The following MAP3K1 variants were observed in gnomAD, a reference collection of about 807,000 sequenced individuals.
The protein encoded by MAP3K1 is mitogen-activated protein kinase kinase kinase 1, also known as MAP/ERK kinase kinase 1.
In MAP3K1, 36 loss-of-function variants were observed where a neutral mutation model predicts 144.2. The observed-to-expected ratio is 0.25, with a 90% CI of 0.19 to 0.33. The LOEUF is 0.33. Among genes scored for constraint, MAP3K1 ranks in the 10% least tolerant of loss-of-function variants. The pLI, the probability that MAP3K1 is intolerant of heterozygous loss-of-function variation, is 1.00. For synonymous variants in MAP3K1, 718 were observed against 688.7 expected, an observed-to-expected ratio of 1.04 and a Z score of -0.67; for missense variants, 1,650 against 1,881.9, an observed-to-expected ratio of 0.88 and a Z score of 2.28.
chr5:56,872,581 AAAT>A, intron 7 of MAP3K1, 57 bp from the exon 8 acceptor site: 1 of 955,188 alleles, frequency 1.0e-6, no homozygotes, highest in Non-Finnish European at 1.7e-6. Context: ...AACAGTTATG[AAAT>A]AAAAATAATG....
intron 6 of MAP3K1, among the ~76,000 whole-genome samples, chr5:56,871,133 A>G (rs1362933040): frequency 6.6e-6 from 1 of 152,050 alleles, no homozygotes; most frequent in Non-Finnish European, 1.5e-5. Flanking sequence ...ATAATTAACC[A>G]TTATGTTGCG....
chr5:56,837,698 A>G lies in MAP3K1; in HGVS notation c.483-18902A>G, dbSNP rs571762329. 1.2e-3 allele frequency among the ~76,000 whole-genome samples: 176 copies of G among 152,374 alleles called. 1 individual carries two copies. Among genetic ancestry groups the G allele is most frequent in the Admixed American group, 2.0e-3 (30 of 15,304 alleles). ...AGATTAATCCATTATTTTATTAAGT[A>G]CATATTTATTGACTACCACCCTTGT... is the stretch of plus-strand genomic sequence containing the variant. On this transcript the variant is annotated intron_variant, in intron 1 of 19. Transcript: ENST00000399503.
At chr5:56,835,349 TTGACAGGAAGG>T (rs1746617016) in intron 1 of MAP3K1, among the ~76,000 whole-genome samples, 1 of 32,646 alleles carries the variant, frequency 3.1e-5, no homozygotes, top group Non-Finnish European at 7.5e-5. Flanking sequence ...CAGGGAAGAG[TTGACAGGAAGG>T]CAGGGAAGAG....
chr5:56,816,746 G>A (rs928193882), intron 1 of MAP3K1, among the ~76,000 whole-genome samples: 7 of 152,240 alleles, frequency 4.6e-5, no homozygotes, highest in Admixed American at 2.6e-4. Flanking sequence ...ACTCGCGGAG[G>A]CTTGCAGTCT....
At chr5:56,880,890 G>A in intron 12 of MAP3K1, 88 bp downstream of exon 12, 1 of 1,172,646 alleles carries the variant, frequency 8.5e-7, no homozygotes, top group Non-Finnish European at 1.3e-6. Flanking sequence ...TCATGAGGCA[G>A]TTTACAGGAT....
At chr5:56,882,892 A>G (rs763013500) in intron 14 of MAP3K1, 26 bp downstream of exon 14, 1 of 1,574,234 alleles carries the variant, frequency 6.4e-7, no homozygotes, top group South Asian at 1.1e-5. Flanking sequence ...TTAAGAGGTT[A>G]GAAAACTTCC....
rs181920194 is a variant in MAP3K1 at position 56,855,853 on chromosome 5, A to G, written c.483-747A>G. 3.2e-4 allele frequency among the ~76,000 whole-genome samples: 49 copies of G among 152,334 alleles called. No homozygotes were observed. The South Asian group carries it at 7.7e-3, about 24-fold the overall frequency. Reference sequence around the variant, plus strand: ...CCTTATAAATCAGGTTTTCAAATCTATGCATATCGTGTATGCATGTATGCT... The same window carrying G: ...CCTTATAAATCAGGTTTTCAAATCTGTGCATATCGTGTATGCATGTATGCT... On this transcript the variant is annotated intron_variant, in intron 1 of 19. Transcript: ENST00000399503.
At chr5:56,826,167 C>T (rs150757554) in intron 1 of MAP3K1, among the ~76,000 whole-genome samples, 59 of 152,150 alleles carry the variant, frequency 3.9e-4, no homozygotes, top group Middle Eastern at 3.4e-3. Flanking sequence ...ATACTCTTTC[C>T]AGCTCCGTGG....
intron 12 of MAP3K1, 60 bp from the exon 13 acceptor site, chr5:56,881,018 ATGTCT>A: frequency 1.5e-6 from 2 of 1,360,424 alleles, no homozygotes; most frequent in Non-Finnish European, 2.1e-6. Context: ...CCATTTAATC[ATGTCT>A]TGTTTTAGAT....
At chr5:56,819,575 T>C (rs188206664) in intron 1 of MAP3K1, among the ~76,000 whole-genome samples, 3 of 152,224 alleles carry the variant, frequency 2.0e-5, no homozygotes, top group South Asian at 2.1e-4. Flanking sequence ...AGGAAAAATA[T>C]GGGGCATTCA....
At chr5:56,885,200 A>G (rs1308082500) in intron 16 of MAP3K1, among the ~76,000 whole-genome samples, 2 of 152,230 alleles carry the variant, frequency 1.3e-5, no homozygotes, top group Admixed American at 6.5e-5. Context: ...AAAACTTACT[A>G]CAAGTAAACT....
Position 56,815,682 on chromosome 5 carries a change from C to T in MAP3K1, c.109C>T (p.Pro37Ser). The stretch of plus-strand genomic sequence containing the variant: ...AGGAGCCCTCAAGGCGAGCAGCGCG[C>T]CCGCGGCTGCCGCGGGACTGCTGCG... ...GGGALKASSA[P>S]AAAAGLLREA... The change falls in exon 1 of 20, where the codon CCC (proline) becomes TCC (serine). Residue 37 changes from proline to serine, a missense_variant. By Grantham distance (74) the Pro-to-Ser change is moderately conservative. Around this residue, in one of 6 missense-constraint regions of MAP3K1, gnomAD observed 360 missense variants for 274.7 expected, o/e 1.31. Coordinates refer to ENST00000399503, the MANE Select transcript of MAP3K1 (RefSeq NM_005921.2). 3.1e-6 allele frequency: 4 copies of T among 1,303,370 alleles called. No individual in the cohort carries two copies. Among genetic ancestry groups the T allele is most frequent in the Non-Finnish European group, 3.9e-6 (4 of 1,030,246 alleles). 80.7% of individuals were successfully genotyped at this position (1,303,370 alleles called of 1,614,324 possible). A position where few individuals can be genotyped will look rare whatever the true frequency, so the allele number is the denominator to read the frequency against.
intron 19 of MAP3K1, among the ~76,000 whole-genome samples, chr5:56,890,193 G>C (rs936050554): frequency 6.6e-6 from 1 of 151,990 alleles, no homozygotes; most frequent in African/African-American, 2.4e-5. Context: ...CTTCTTCCCA[G>C]AGTCTTATAC....
At chr5:56,881,010 A>G in intron 12 of MAP3K1, 73 bp from the exon 13 acceptor site, 1 of 1,327,066 alleles carries the variant, frequency 7.5e-7, no homozygotes, top group South Asian at 1.2e-5. Flanking sequence ...GCCTTACACC[A>G]TTTAATCATG....
chr5:56,821,941 A>G (rs1746164241), intron 1 of MAP3K1, among the ~76,000 whole-genome samples: 1 of 152,216 alleles, frequency 6.6e-6, no homozygotes, highest in African/African-American at 2.4e-5. Flanking sequence ...CTGTAGTGAG[A>G]TTTTAATCAT....
intron 19 of MAP3K1, among the ~76,000 whole-genome samples, chr5:56,893,133 TTAATC>T (rs1748598830): frequency 1.3e-5 from 2 of 152,216 alleles, no homozygotes; most frequent in Admixed American, 1.3e-4. Context: ...TTAGTCTTTC[TTAATC>T]TAAATAGCTC....
At chr5:56,887,848 G>A in intron 18 of MAP3K1, 1 of 435,532 alleles carries the variant, frequency 2.3e-6, no homozygotes, top group Non-Finnish European at 4.2e-6. Context: ...TCTAAAAGGA[G>A]ATGAGCATAC....
chr5:56,887,275 C>A (rs537812470), intron 17 of MAP3K1, 103 bp from the exon 18 acceptor site: 8 of 1,123,292 alleles, frequency 7.1e-6, no homozygotes, highest in East Asian at 4.9e-5. Context: ...TAGTTCACTT[C>A]TTTCTTTTGT....
At chr5:56,824,668 A>G (rs1469051696) in intron 1 of MAP3K1, among the ~76,000 whole-genome samples, 4 of 152,234 alleles carry the variant, frequency 2.6e-5, no homozygotes, top group Non-Finnish European at 4.4e-5. Context: ...ACTATCCAAG[A>G]TAGTTATAGA....
Sources: gnomAD v4.1 joint callset for allele counts (sites outside exome capture counted in the v4.1 genomes callset) on GRCh38, gnomAD v4.1.1 for gene constraint, gnomAD v4.1.1 regional missense constraint, MANE v1.5 for transcripts, NCBI Gene and HGNC (gene_info 2026-07-23, HGNC 2026-07-21) for gene names.